Variants in ADAMTS1 observed in about 807,000 individuals in gnomAD.
ADAMTS1 encodes A disintegrin and metalloproteinase with thrombospondin motifs 1.
A neutral mutation model predicts 87.9 loss-of-function variants in ADAMTS1; 19 were observed. That is an observed-to-expected ratio of 0.22 (90% CI 0.15 to 0.32). The LOEUF (loss-of-function observed/expected upper bound fraction) is 0.32, where lower values mean the gene tolerates loss of function less well. Among genes scored for constraint, ADAMTS1 ranks in the 10% least tolerant of loss-of-function variants. The pLI is 1.00. For missense variants in ADAMTS1, 1,240 were observed against 1,259.1 expected, an observed-to-expected ratio of 0.98 and a Z score of 0.23; for synonymous variants, 542 against 501.8, an observed-to-expected ratio of 1.08 and a Z score of -1.07.
At position 26,844,741 on chromosome 21, in the gene ADAMTS1, C is replaced by A; in HGVS notation, c.214G>T (p.Gly72Trp). ...GCGTGCAGGCGGAGGCGCGTGGTCC[C>A]GTGTCCCGGGGCGCGCTCCAGCTCC... ...VPELERAPGH[G>W]TTRLRLHAFD... is the part of the protein sequence containing the mutation. Residue 72 changes from glycine to tryptophan, a missense_variant, in exon 1 of 9, where the codon GGG (glycine) becomes TGG (tryptophan). This residue lies in a region of ADAMTS1 where 521 missense variants were observed against 449.7 expected (regional missense o/e 1.16). Coordinates refer to ENST00000284984, the MANE Select transcript of ADAMTS1 (RefSeq NM_006988.5). 1 of 1,567,436 alleles carries A rather than the reference C, an allele frequency of 6.4e-7. No individual in the cohort carries two copies. The highest frequency in any genetic ancestry group is 8.7e-7 in the Non-Finnish European group (1 of 1,153,892).
At position 26,837,704 on chromosome 21, in the gene ADAMTS1, C is replaced by G; in HGVS notation, c.2779G>C (p.Gly927Arg). Residue 927 changes from glycine to arginine, a missense_variant, in exon 9 of 9, where the codon GGT (glycine) becomes CGT (arginine). Physicochemically the swap from Gly to Arg is moderately radical, Grantham distance 125. This residue lies in a region of ADAMTS1 where 402 missense variants were observed against 399.1 expected (regional missense o/e 1.01). Transcript: ENST00000284984. ...CACTTCAAGCTTCTTTTTTTGTAACCCTTCCCACAGGTCTTAGAACATGAT... is the reference window on the plus strand; with the variant it reads ...CACTTCAAGCTTCTTTTTTTGTAACGCTTCCCACAGGTCTTAGAACATGAT... The part of the protein sequence containing the change: ...WSSCSKTCGK[G>R]YKKRSLKCLS... 6.2e-7 allele frequency: 1 copy of G among 1,614,116 alleles called. No individual in the cohort carries two copies. Among genetic ancestry groups the G allele is most frequent in the South Asian group, 1.1e-5 (1 of 91,088 alleles).
At position 26,839,655 on chromosome 21, in the gene ADAMTS1, G is replaced by C. The variant is rs1167318645; in HGVS notation, c.1960C>G (p.Pro654Ala). Reference sequence around the variant, plus strand: ...CAGATGAGCTTGCACCTGTCCTTTGGTGAGACGCCAGCGTACTTGGGAATC... The same window carrying C: ...CAGATGAGCTTGCACCTGTCCTTTGCTGAGACGCCAGCGTACTTGGGAATC... ...EWIPKYAGVS[P>A]KDRCKLICQA... Residue 654 changes from proline to alanine, a missense_variant, in exon 7 of 9, where the codon CCA (proline) becomes GCA (alanine). By Grantham distance (27) the Pro-to-Ala change is conservative (BLOSUM62 -1). This residue lies in a region of ADAMTS1 where 402 missense variants were observed against 399.1 expected (regional missense o/e 1.01). Transcript: ENST00000284984. 2 of 1,613,692 alleles carry C rather than the reference G, an allele frequency of 1.2e-6. No homozygotes were observed. Among genetic ancestry groups the C allele is most frequent in the Admixed American group, 1.7e-5 (1 of 60,018 alleles).
chr21:26,842,842 GTTATTT>G lies in ADAMTS1; in HGVS notation c.731-163_731-158del, dbSNP rs139473642. On this transcript the variant is annotated intron_variant, in intron 1 of 8. Coordinates refer to ENST00000284984, the MANE Select transcript of ADAMTS1 (RefSeq NM_006988.5). ...ATATTTGCATATCTTCACTCCAAGTGTTATTTTTAAAGTTCTCTCCTCTCCTTTAAA... is the reference window on the plus strand; with the variant it reads ...ATATTTGCATATCTTCACTCCAAGTGTTAAAGTTCTCTCCTCTCCTTTAAA... 3,582 of 629,674 alleles carry G rather than the reference GTTATTT, an allele frequency of 5.7e-3. 15 individuals carry two copies. Among genetic ancestry groups the G allele is most frequent in the Non-Finnish European group, 8.3e-3 (3,042 of 366,124 alleles). The allele number at this position is 629,674 out of a possible 1,614,324, so 39.0% of individuals were successfully genotyped here.
chr21:26,843,719 C>G (rs422803), intron 1 of ADAMTS1: 8 of 499,656 alleles, frequency 1.6e-5, no homozygotes, highest in Non-Finnish European at 2.5e-5. Flanking sequence ...GAACAGAGAT[C>G]CTAGCGTAGC....
At chr21:26,838,393 G>T in intron 8 of ADAMTS1, 46 bp downstream of exon 8, 4 of 1,605,522 alleles carry the variant, frequency 2.5e-6, no homozygotes, top group Non-Finnish European at 3.4e-6. Context: ...CTGTTGAAAG[G>T]CCCATTTAAA....
Position 26,836,298 on chromosome 21 carries a change from TTC to T in ADAMTS1, c.*1279_*1280del, listed in dbSNP as rs1031870322. 1 of 152,394 alleles carries T rather than the reference TTC, an allele frequency of 6.6e-6. No individual in the cohort carries two copies. The highest frequency in any genetic ancestry group is 2.4e-5 in the African/African-American group (1 of 41,426). The allele number at this position is 152,394 out of a possible 1,614,324, so 9.4% of individuals were successfully genotyped here. A position where few individuals can be genotyped will look rare whatever the true frequency, so the allele number is the denominator to read the frequency against. On this transcript the variant is annotated 3_prime_UTR_variant, in exon 9 of 9. Transcript: ENST00000284984. ...AACAGACACACACATTCCAAAAGTGTTCTTTTATTTCTAGTAACATATATTGT... is the reference window on the plus strand; with the variant it reads ...AACAGACACACACATTCCAAAAGTGTTTTTATTTCTAGTAACATATATTGT...
chr21:26,844,416 G>T lies in ADAMTS1; in HGVS notation c.539C>A (p.Pro180Gln). Residue 180 changes from proline to glutamine, a missense_variant, in exon 1 of 9, where the codon CCA (proline) becomes CAA (glutamine). This residue lies in a region of ADAMTS1 where 521 missense variants were observed against 449.7 expected (regional missense o/e 1.16). Coordinates refer to ENST00000284984, the MANE Select transcript of ADAMTS1 (RefSeq NM_006988.5). ...TAAPGEKPPA[P>Q]LQFHLLRRNR... ...CCGCCGCAGGAGGTGGAACTGTAGTGGTGCCGGCGGCTTCTCCCCTGGGGC... is the reference window on the plus strand; with the variant it reads ...CCGCCGCAGGAGGTGGAACTGTAGTTGTGCCGGCGGCTTCTCCCCTGGGGC... The T allele has an allele frequency of 6.3e-7, 1 of 1,589,584 alleles. No homozygotes were observed. The highest frequency in any genetic ancestry group is 8.6e-7 in the Non-Finnish European group (1 of 1,168,740).
rs1261542475 is a variant in ADAMTS1, at chr21:26,837,692, T to C, written c.2791A>G (p.Arg931Gly). Reference protein sequence around the residue: ...SKTCGKGYKKRSLKCLSHDGG... With the variant: ...SKTCGKGYKKGSLKCLSHDGG... ...TCATGGGACAGACACTTCAAGCTTC[T>C]TTTTTTGTAACCCTTCCCACAGGTC... The change falls in exon 9 of 9, where the codon AGA becomes GGA. Residue 931 changes from arginine (R) to glycine (G), a missense_variant. Transcript: ENST00000284984. 2.5e-6 allele frequency: 4 copies of C among 1,614,196 alleles called. No homozygotes were observed. Among genetic ancestry groups the C allele is most frequent in the Non-Finnish European group, 2.5e-6 (3 of 1,180,036 alleles).
rs1367961921 is a variant in ADAMTS1, at chr21:26,844,684, G to A, written c.271C>T (p.Pro91Ser). Residue 91 changes from proline (P) to serine (S), a missense_variant, in exon 1 of 9, where the codon CCC (proline) becomes TCC (serine). Coordinates refer to ENST00000284984, the MANE Select transcript of ADAMTS1 (RefSeq NM_006988.5). ...FDQQLDLELR[P>S]DSSFLAPGFT... ...CCGGGCGCCAAAAAGCTGCTGTCGGGCCGCAGCTCCAGATCCAGCTGCTGG... is the reference window on the plus strand; with the variant it reads ...CCGGGCGCCAAAAAGCTGCTGTCGGACCGCAGCTCCAGATCCAGCTGCTGG... The A allele has an allele frequency of 6.3e-7, 1 of 1,594,704 alleles. No homozygotes were observed. Among genetic ancestry groups the A allele is most frequent in the East Asian group, 2.3e-5 (1 of 44,140 alleles).
Position 26,842,650 on chromosome 21 carries a change from T to C in ADAMTS1, c.766A>G (p.Ser256Gly). The change falls in exon 2 of 9, where the codon AGT (serine) becomes GGT (glycine). Residue 256 changes from serine (S) to glycine (G), a missense_variant. This residue lies in a region of ADAMTS1 where 521 missense variants were observed against 449.7 expected (regional missense o/e 1.16). Coordinates refer to ENST00000284984, the MANE Select transcript of ADAMTS1 (RefSeq NM_006988.5). The stretch of plus-strand genomic sequence containing the variant: ...AGCATGGTTTCCACATAGCGGTGAC[T>C]GGACACAAATCGCTTCTTTCTTATG... ...GSIRKKRFVS[S>G]HRYVETMLVA... 1 of 1,613,800 alleles carries C rather than the reference T, an allele frequency of 6.2e-7. No individual in the cohort carries two copies. Among genetic ancestry groups the C allele is most frequent in the Non-Finnish European group, 8.5e-7 (1 of 1,179,970 alleles).
chr21:26,844,711 CA>C lies in ADAMTS1; in HGVS notation c.243del (p.Phe81LeufsTer49), dbSNP rs1251916182. On this transcript the variant is annotated frameshift_variant, in exon 1 of 9. Transcript: ENST00000284984. LOFTEE classifies it high-confidence loss of function. ...HGTTRLRLHAFDQQLDLELRP... is the reference protein window; with the variant it reads ...HGTTRLRLHAXDQQLDLELRP... ...CGCAGCTCCAGATCCAGCTGCTGGT[CA>C]AAGGCGTGCAGGCGGAGGCGCGTGG... is the stretch of plus-strand genomic sequence containing the variant. 1 of 1,586,900 alleles carries C rather than the reference CA, an allele frequency of 6.3e-7. No homozygotes were observed. Among genetic ancestry groups the C allele is most frequent in the Non-Finnish European group, 8.6e-7 (1 of 1,166,114 alleles).
chr21:26,840,558 T>C lies in ADAMTS1; in HGVS notation c.1383A>G (p.Glu461=), dbSNP rs1428474648. Residue 461 remains glutamate (E), a synonymous_variant, in exon 5 of 9, where the codon GAA becomes GAG. Transcript: ENST00000284984. ...ITSFLDNGHG[E]CLMDKPQNPI... ...GATTCTGAGGCTTGTCCATCAAACATTCCCCTGCAAAGGAAATGCCAACCA... is the reference window on the plus strand; with the variant it reads ...GATTCTGAGGCTTGTCCATCAAACACTCCCCTGCAAAGGAAATGCCAACCA... The C allele has an allele frequency of 2.5e-6, 4 of 1,613,066 alleles. No individual in the cohort carries two copies. The highest frequency in any genetic ancestry group is 3.4e-6 in the Non-Finnish European group (4 of 1,179,280).
Position 26,837,547 on chromosome 21 carries a change from C to G in ADAMTS1, c.*32G>C. 1.3e-6 allele frequency: 2 copies of G among 1,598,394 alleles called. No homozygotes were observed. The highest frequency in any genetic ancestry group is 1.3e-5 in the African/African-American group (1 of 74,658). On this transcript the variant is annotated 3_prime_UTR_variant, in exon 9 of 9. Transcript: ENST00000284984. ...CTGCACCAGCCCTTCCTCACTTTGC[C>G]TTGCCCTCAAAGCTAACACCACTTA...
chr21:26,841,797 T>C (rs968701963), intron 3 of ADAMTS1, 61 bp downstream of exon 3: 1 of 1,551,318 alleles, frequency 6.4e-7, no homozygotes, highest in Non-Finnish European at 8.7e-7. Context: ...CTCCTTCTTA[T>C]ATTGTTTTAC....
At position 26,837,191 on chromosome 21, in the gene ADAMTS1, A is replaced by T; in HGVS notation, c.*388T>A. 1 of 172,114 alleles carries T rather than the reference A, an allele frequency of 5.8e-6. No individual in the cohort carries two copies. Among genetic ancestry groups the T allele is most frequent in the South Asian group, 1.5e-4 (1 of 6,822 alleles). The allele number at this position is 172,114 out of a possible 1,614,324, so 10.7% of individuals were successfully genotyped here. ...AAATCTCACTTTTCTCCTACTTTTC[A>T]TTTCCCAACCCCCATGATACTAAGT... On this transcript the variant is annotated 3_prime_UTR_variant, in exon 9 of 9. Transcript: ENST00000284984.
Position 26,844,994 on chromosome 21 carries a change from C to G in ADAMTS1, c.-40G>C. The stretch of plus-strand genomic sequence containing the variant: ...ACACCGCTCGTAGCAGCGCACGGAG[C>G]GAGGGACCTTTAGTTCGGGTCGGGA... On this transcript the variant is annotated 5_prime_UTR_variant, in exon 1 of 9. Transcript: ENST00000284984. The G allele has an allele frequency of 1.3e-6, 2 of 1,488,948 alleles. No individual in the cohort carries two copies. Among genetic ancestry groups the G allele is most frequent in the Non-Finnish European group, 1.8e-6 (2 of 1,123,806 alleles). 92.2% of individuals were successfully genotyped at this position (1,488,948 alleles called of 1,614,324 possible). A position where few individuals can be genotyped will look rare whatever the true frequency, so the allele number is the denominator to read the frequency against.
intron 3 of ADAMTS1, 173 bp downstream of exon 3, chr21:26,841,685 T>C (rs1388251307): frequency 1.4e-6 from 1 of 710,198 alleles, no homozygotes; most frequent in Non-Finnish European, 2.1e-6. Flanking sequence ...CTATCTTATT[T>C]TTTACTTTAA....
chr21:26,842,192 A>T, intron 2 of ADAMTS1, 147 bp downstream of exon 2: 1 of 1,015,878 alleles, frequency 9.8e-7, no homozygotes, highest in Non-Finnish European at 1.4e-6. Context: ...TATTTAAATT[A>T]CAGTAGAAAT....
chr21:26,841,925 C>A lies in ADAMTS1; in HGVS notation c.1143G>T (p.Pro381=), dbSNP rs528858463. 8 of 1,613,994 alleles carry A rather than the reference C, an allele frequency of 5.0e-6. No homozygotes were observed. Among genetic ancestry groups the A allele is most frequent in the Non-Finnish European group, 6.8e-6 (8 of 1,180,022 alleles). Reference sequence around the variant, plus strand: ...CTTCTATGACGGAGCAGCTTCTGCTCGGATCACACACAGTTCCAACATCAG... The same window carrying A: ...CTTCTATGACGGAGCAGCTTCTGCTAGGATCACACACAGTTCCAACATCAG... ...GMADVGTVCD[P]SRSCSVIEDD... The change falls in exon 3 of 9, where the codon CCG becomes CCT. Residue 381 remains proline, a synonymous_variant. Coordinates refer to ENST00000284984, the MANE Select transcript of ADAMTS1 (RefSeq NM_006988.5).
Sources: gnomAD v4.1 joint callset for allele counts on GRCh38, gnomAD v4.1.1 for gene constraint, gnomAD v4.1.1 regional missense constraint, MANE v1.5 for transcripts, NCBI Gene and HGNC (gene_info 2026-07-23, HGNC 2026-07-21) for gene names.